Variants in TNFRSF10D observed in about 807,000 individuals in gnomAD.
The protein encoded by TNFRSF10D is TNF receptor superfamily member 10d, also known as tumor necrosis factor receptor superfamily member 10D.
In TNFRSF10D, 28 loss-of-function variants were observed where a neutral mutation model predicts 42.1. The observed-to-expected ratio is 0.66, with a 90% confidence interval of 0.49 to 0.91. TNFRSF10D has a LOEUF of 0.91. Among genes scored for constraint, TNFRSF10D ranks in the 40% least tolerant of loss-of-function variants. The pLI is 0.00. For missense variants in TNFRSF10D, 503 were observed against 486.1 expected (o/e 1.03, Z -0.33); for synonymous variants, 186 against 189.4 (o/e 0.98, Z 0.15).
At chr8:23,161,633 C>G (rs1177588314) in intron 1 of TNFRSF10D, among the ~76,000 whole-genome samples, 2 of 152,218 alleles carry the variant, frequency 1.3e-5, no homozygotes, top group African/African-American at 4.8e-5. Flanking sequence ...CTCCCACTAC[C>G]AAAACTCCCG....
At chr8:23,148,989 G>A (rs943823342) in intron 2 of TNFRSF10D, among the ~76,000 whole-genome samples, 1 of 151,490 alleles carries the variant, frequency 6.6e-6, no homozygotes. Flanking sequence ...AGGAGATCGA[G>A]ACCATCCTGG....
chr8:23,149,420 G>A (rs140377444), intron 2 of TNFRSF10D, among the ~76,000 whole-genome samples: 351 of 151,410 alleles, frequency 2.3e-3, no homozygotes, highest in African/African-American at 6.7e-3. Flanking sequence ...TGTATTCTTA[G>A]TTGACACGGT....
At chr8:23,140,375 GA>G (rs1814440171) in intron 7 of TNFRSF10D, among the ~76,000 whole-genome samples, 1 of 145,368 alleles carries the variant, frequency 6.9e-6, no homozygotes, top group East Asian at 2.1e-4. Flanking sequence ...ATTTACAACA[GA>G]CACACACACA....
At chr8:23,150,424 A>T (rs1800199173) in intron 2 of TNFRSF10D, among the ~76,000 whole-genome samples, 1 of 152,272 alleles carries the variant, frequency 6.6e-6, no homozygotes, top group Admixed American at 6.5e-5. Context: ...TGACAAAGCC[A>T]GTCTGTAAAT....
intron 1 of TNFRSF10D, among the ~76,000 whole-genome samples, chr8:23,156,301 T>C (rs1427564604): frequency 1.3e-5 from 2 of 151,896 alleles, no homozygotes; most frequent in African/African-American, 4.9e-5. Flanking sequence ...ATCTTGCTCC[T>C]GAGAAAAAAC....
chr8:23,140,253 C>T (rs1814435892), intron 7 of TNFRSF10D, among the ~76,000 whole-genome samples: 1 of 152,074 alleles, frequency 6.6e-6, no homozygotes, highest in Non-Finnish European at 1.5e-5. Context: ...CGCGCCACTG[C>T]ACTCCAGCCT....
chr8:23,156,053 G>A (rs141392163), intron 1 of TNFRSF10D, among the ~76,000 whole-genome samples: 917 of 152,050 alleles, frequency 6.0e-3, no homozygotes, highest in African/African-American at 0.019. Flanking sequence ...TATAAATGAC[G>A]ACGAGAAGAC....
At chr8:23,139,751 C>T (rs573603395) in intron 7 of TNFRSF10D, among the ~76,000 whole-genome samples, 2 of 152,256 alleles carry the variant, frequency 1.3e-5, no homozygotes, top group South Asian at 2.1e-4. Context: ...TCTTCATGGA[C>T]GATATGATTC....
rs972867360 is a variant in TNFRSF10D, at chr8:23,145,237, G to A, written c.737-148C>T. On this transcript the variant is annotated intron_variant, in intron 5 of 8. Transcript: ENST00000312584. ...GGGACAGAATGGGGCCTTGCAATTA[G>A]GGGACACCCTGAGGAAGGGGGATGA... The A allele has an allele frequency of 1.1e-5, 10 of 935,386 alleles. 1 individual carries two copies. The African/African-American group carries it at 1.3e-4, about 12-fold the overall frequency. The allele number at this position is 935,386 out of a possible 1,614,324, so 57.9% of individuals were successfully genotyped here. A position where few individuals can be genotyped will look rare whatever the true frequency, so the allele number is the denominator to read the frequency against.
At chr8:23,140,567 C>T (rs530111640) in intron 7 of TNFRSF10D, among the ~76,000 whole-genome samples, 3 of 152,190 alleles carry the variant, frequency 2.0e-5, no homozygotes, top group Non-Finnish European at 4.4e-5. Context: ...AATGGGCATA[C>T]TGCTGAAATC....
At chr8:23,140,446 T>A (rs1206139384) in intron 7 of TNFRSF10D, among the ~76,000 whole-genome samples, 1 of 150,978 alleles carries the variant, frequency 6.6e-6, no homozygotes, top group Non-Finnish European at 1.5e-5. Context: ...TACCCAAGGA[T>A]GTGAAAGATC....
At chr8:23,146,468 G>A (rs1800121887) in intron 4 of TNFRSF10D, among the ~76,000 whole-genome samples, 1 of 152,158 alleles carries the variant, frequency 6.6e-6, no homozygotes, top group African/African-American at 2.4e-5. Context: ...AGGTCCTCAT[G>A]GGAACTTAAG....
chr8:23,149,011 A>C lies in TNFRSF10D; in HGVS notation c.257-460T>G, dbSNP rs192061063. Among the ~76,000 whole-genome samples the C allele has an allele frequency of 2.2e-3, 330 of 151,648 alleles. 2 individuals carry two copies. Among genetic ancestry groups the C allele is most frequent in the African/African-American group, 7.6e-3 (314 of 41,422 alleles). On this transcript the variant is annotated intron_variant, in intron 2 of 8. Transcript: ENST00000312584. ...CGAGACCATCCTGGCTAACACAGTGAAACCCCATCTCTACTAAAAATACAA... is the reference window on the plus strand; with the variant it reads ...CGAGACCATCCTGGCTAACACAGTGCAACCCCATCTCTACTAAAAATACAA...
intron 2 of TNFRSF10D, among the ~76,000 whole-genome samples, chr8:23,154,346 T>G (rs116739267): frequency 0.033 from 5,025 of 152,310 alleles, 241 homozygotes; most frequent in African/African-American, 0.11. Context: ...CAGTCCTGCC[T>G]TCTATTCACA....
chr8:23,163,798 C>T lies in TNFRSF10D; in HGVS notation c.138G>A (p.Ala46=), dbSNP rs1313411658. 5.9e-4 allele frequency: 945 copies of T among 1,608,838 alleles called. No homozygotes were observed. In the African/African-American group the frequency reaches 0.011, roughly 18 times the overall value. The change falls in exon 1 of 9, where the codon GCG becomes GCA. Residue 46 remains alanine, a synonymous_variant. Transcript: ENST00000312584. The part of the protein sequence containing the change: ...KILKFVVFIV[A]VLLPVRVDSA... ...GGCGGAGACTCACCGGCAGCAGAAC[C>T]GCGACGATGAAGACGACGAACTTAA...
At position 23,137,770 on chromosome 8, in the gene TNFRSF10D, T is replaced by C. The variant is rs923267150; in HGVS notation, c.*100A>G. 21 of 1,470,712 alleles carry C rather than the reference T, an allele frequency of 1.4e-5. No homozygotes were observed. The African/African-American group carries it at 2.3e-4, about 16-fold the overall frequency. 91.1% of individuals were successfully genotyped at this position (1,470,712 alleles called of 1,614,324 possible). ...GCCCCATATTGGATAGTAGAGTTTG[T>C]TGGGGCATGGGTCAAGTACTGGACT... On this transcript the variant is annotated 3_prime_UTR_variant, in exon 9 of 9. Transcript: ENST00000312584.
chr8:23,144,248 G>A (rs375212996), intron 7 of TNFRSF10D, among the ~76,000 whole-genome samples: 3 of 152,236 alleles, frequency 2.0e-5, no homozygotes, highest in African/African-American at 7.2e-5. Flanking sequence ...AGCAAGGACA[G>A]GACAGGGAGT....
intron 6 of TNFRSF10D, 86 bp downstream of exon 6, chr8:23,144,972 G>C (rs1800093614): frequency 6.3e-7 from 1 of 1,586,976 alleles, no homozygotes; most frequent in Non-Finnish European, 8.7e-7. Flanking sequence ...ATGAGGACAA[G>C]GGATTGTGCC....
At position 23,163,774 on chromosome 8, in the gene TNFRSF10D, GC is replaced by G. The variant is rs769779153; in HGVS notation, c.150+11del. 6.1e-4 allele frequency: 975 copies of G among 1,607,310 alleles called. No homozygotes were observed. The African/African-American group carries it at 0.011, about 18-fold the overall frequency. ...CGCTCTTCCCCAGCCAGGGACCGCG[GC>G]GGAGACTCACCGGCAGCAGAACCGC... On this transcript the variant is annotated intron_variant, in intron 1 of 8. Coordinates refer to ENST00000312584, the MANE Select transcript of TNFRSF10D (RefSeq NM_003840.5).
Sources: allele counts gnomAD v4.1 joint callset (sites outside exome capture counted in the v4.1 genomes callset), GRCh38; gene constraint gnomAD v4.1.1; transcripts MANE v1.5; gene names NCBI Gene and HGNC (gene_info 2026-07-23, HGNC 2026-07-21).